CDC42BPA: variants seen among roughly 807,000 people sequenced by gnomAD.
CDC42BPA encodes the protein serine/threonine-protein kinase MRCK alpha.
A neutral mutation model predicts 223.5 loss-of-function variants in CDC42BPA; 80 were observed. The observed-to-expected ratio is 0.36, with a 90% CI of 0.30 to 0.43. The LOEUF is 0.43. Ranked by LOEUF, CDC42BPA falls within the 20% of genes least tolerant of loss-of-function variation. The pLI is 1.00. For missense variants in CDC42BPA, 1,743 were observed against 2,099.9 expected, an observed-to-expected ratio of 0.83 and a Z score of 3.32; for synonymous variants, 694 against 718.6, an observed-to-expected ratio of 0.97 and a Z score of 0.55.
At chr1:227,134,805 C>T (rs6700338) in intron 10 of CDC42BPA, among the ~76,000 whole-genome samples, 132,401 of 152,116 alleles carry the variant, frequency 0.87, 57,678 homozygotes, top group Middle Eastern at 0.93. Flanking sequence ...GTAAAAATAC[C>T]AAGAACAAAT....
chr1:227,086,536 T>C (rs556414971), intron 16 of CDC42BPA, among the ~76,000 whole-genome samples: 60 of 152,330 alleles, frequency 3.9e-4, no homozygotes, highest in Admixed American at 9.8e-4. Context: ...CAGCAGTATC[T>C]TGCTGTGGTT....
intron 21 of CDC42BPA, among the ~76,000 whole-genome samples, chr1:227,061,000 T>A (rs2148956950): frequency 6.6e-6 from 1 of 152,122 alleles, no homozygotes; most frequent in South Asian, 2.1e-4. Flanking sequence ...GGATTACAGG[T>A]GTGAACCACC....
chr1:227,039,160 T>G (rs1440940348), intron 24 of CDC42BPA, among the ~76,000 whole-genome samples: 2 of 152,106 alleles, frequency 1.3e-5, no homozygotes, highest in Admixed American at 1.3e-4. Context: ...TTTCTGAATT[T>G]CAAAAAGTCT....
rs188212360 is a variant in CDC42BPA at position 227,227,999 on chromosome 1, A to G, written c.271-14780T>C. Among the ~76,000 whole-genome samples, 701 of 152,200 alleles carry G rather than the reference A, an allele frequency of 4.6e-3. 4 individuals are homozygous for G. The highest frequency in any genetic ancestry group is 0.016 in the African/African-American group (672 of 41,526). On this transcript the variant is annotated intron_variant, in intron 2 of 36. Transcript: ENST00000366766. ...TTACTGATTCTTGTCTACTTGTTCTATTGGCTAACAGGAACAGAAAACCAA... is the reference window on the plus strand; with the variant it reads ...TTACTGATTCTTGTCTACTTGTTCTGTTGGCTAACAGGAACAGAAAACCAA...
chr1:227,172,632 G>A (rs186568742), intron 5 of CDC42BPA, among the ~76,000 whole-genome samples: 48 of 152,164 alleles, frequency 3.2e-4, no homozygotes, highest in Admixed American at 8.5e-4. Context: ...TGAGACGGAA[G>A]GAAGAAGTCC....
At chr1:227,042,730 T>C (rs528828583) in intron 23 of CDC42BPA, among the ~76,000 whole-genome samples, 1 of 152,182 alleles carries the variant, frequency 6.6e-6, no homozygotes, top group African/African-American at 2.4e-5. Context: ...ATACTTCCCT[T>C]TGTGGACAGC....
At chr1:227,312,127 G>A (rs1693640582) in intron 1 of CDC42BPA, among the ~76,000 whole-genome samples, 1 of 152,268 alleles carries the variant, frequency 6.6e-6, no homozygotes, top group Non-Finnish European at 1.5e-5. Context: ...TATATTTGAT[G>A]TACTTTATAT....
At chr1:226,997,940 T>C (rs1661974674) in intron 35 of CDC42BPA, among the ~76,000 whole-genome samples, 1 of 151,736 alleles carries the variant, frequency 6.6e-6, no homozygotes, top group East Asian at 1.9e-4. Flanking sequence ...GGGTGGAGAG[T>C]TCTGTAGGTG....
At chr1:227,299,756 TA>T (rs1401521474) in intron 1 of CDC42BPA, among the ~76,000 whole-genome samples, 23 of 152,050 alleles carry the variant, frequency 1.5e-4, no homozygotes, top group Admixed American at 1.2e-3. Context: ...GTCTGGAAAA[TA>T]AAAACGACCT....
chr1:227,000,385 CTAGTT>C (rs1434620475), intron 35 of CDC42BPA, among the ~76,000 whole-genome samples: 2 of 152,126 alleles, frequency 1.3e-5, no homozygotes, highest in Non-Finnish European at 2.9e-5. Flanking sequence ...AATTCCTTGT[CTAGTT>C]TAGTGCTCAG....
chr1:227,080,564 T>TA (rs1680428080), intron 17 of CDC42BPA, among the ~76,000 whole-genome samples: 1 of 152,180 alleles, frequency 6.6e-6, no homozygotes, highest in Non-Finnish European at 1.5e-5. Flanking sequence ...CTTTTGGTCT[T>TA]AGAAAGAAAC....
chr1:227,256,647 T>C (rs1277715705), intron 1 of CDC42BPA, among the ~76,000 whole-genome samples: 1 of 151,826 alleles, frequency 6.6e-6, no homozygotes, highest in African/African-American at 2.4e-5. Flanking sequence ...AAACAGAAAA[T>C]AACAAGTGAT....
chr1:227,275,637 C>G (rs954562662), intron 1 of CDC42BPA, among the ~76,000 whole-genome samples: 1 of 140,502 alleles, frequency 7.1e-6, no homozygotes, highest in Non-Finnish European at 1.6e-5. Flanking sequence ...TTTCCATGGT[C>G]TCCCTCTGAT....
rs1286653200 is a variant in CDC42BPA, at chr1:227,004,979, AG to A, written c.4975+14del. 6.3e-7 allele frequency: 1 copy of A among 1,581,630 alleles called. No homozygotes were observed. Among genetic ancestry groups the A allele is most frequent in the Admixed American group, 1.7e-5 (1 of 59,998 alleles). ...CCCTGTCTCAGAGGCACCTTCCTGT[AG>A]CCCCGGCACTTACTTGCTGACAAGC... On this transcript the variant is annotated intron_variant, in intron 35 of 36. Coordinates refer to ENST00000366766, the MANE Select transcript of CDC42BPA (RefSeq NM_001394014.1).
intron 34 of CDC42BPA, among the ~76,000 whole-genome samples, chr1:227,007,609 T>A (rs1664353303): frequency 6.6e-6 from 1 of 152,236 alleles, no homozygotes; most frequent in South Asian, 2.1e-4. Context: ...TTTAAAAAAA[T>A]GTTACAACTG....
intron 11 of CDC42BPA, among the ~76,000 whole-genome samples, chr1:227,122,109 A>C (rs1688767222): frequency 2.6e-5 from 4 of 152,158 alleles, no homozygotes; most frequent in Admixed American, 2.0e-4. Flanking sequence ...CCCGGATTTC[A>C]ACAATTTCTA....
intron 5 of CDC42BPA, among the ~76,000 whole-genome samples, chr1:227,165,932 T>C (rs973913408): frequency 6.6e-6 from 1 of 152,162 alleles, no homozygotes; most frequent in Non-Finnish European, 1.5e-5. Flanking sequence ...TTAAAATTAA[T>C]TAAAAACCAA....
At position 227,029,218 on chromosome 1, in the gene CDC42BPA, G is replaced by T. The variant is rs768838602; in HGVS notation, c.3871C>A (p.His1291Asn). The change falls in exon 30 of 37, where the codon CAT becomes AAT. Residue 1291 changes from histidine to asparagine, a missense_variant. His to Asn is a moderately conservative substitution (Grantham distance 68). Around this residue, in one of 6 missense-constraint regions of CDC42BPA, gnomAD observed 678 missense variants for 777.5 expected, o/e 0.87. Transcript: ENST00000366766. ...IIRVGDNKKI[H>N]QIELIPNDQL... ...TCATTTGGAATGAGTTCAATCTGAT[G>T]AATCTTCTTATTGTCACCAACTCTA... 6.3e-7 allele frequency: 1 copy of T among 1,592,748 alleles called. No individual in the cohort carries two copies. Among genetic ancestry groups the T allele is most frequent in the Non-Finnish European group, 8.5e-7 (1 of 1,174,306 alleles).
chr1:227,006,114 T>A (rs1232080144), intron 34 of CDC42BPA, among the ~76,000 whole-genome samples: 3 of 151,720 alleles, frequency 2.0e-5, no homozygotes, highest in Non-Finnish European at 4.4e-5. Flanking sequence ...CATAAGGCTT[T>A]TCTCCATTTC....
Sources: allele counts gnomAD v4.1 joint callset (sites outside exome capture counted in the v4.1 genomes callset), GRCh38; gene constraint gnomAD v4.1.1; regional missense constraint gnomAD v4.1.1; transcripts MANE v1.5; gene names NCBI Gene and HGNC (gene_info 2026-07-23, HGNC 2026-07-21).